The following NEBL variants were observed in gnomAD, a reference collection of about 807,000 sequenced individuals.
The protein encoded by NEBL is nebulette.
A neutral mutation model predicts 140.2 loss-of-function variants in NEBL; 122 were observed. That is an observed-to-expected ratio of 0.87 (90% confidence interval 0.75 to 1.01). NEBL has a LOEUF of 1.01. Among genes scored for constraint, NEBL ranks in the 50% least tolerant of loss-of-function variants. NEBL has a pLI of 0.00. For missense variants in NEBL, 1,365 were observed against 1,231.3 expected, an observed-to-expected ratio of 1.11 and a Z score of -1.62; for synonymous variants, 436 against 398.9, an observed-to-expected ratio of 1.09 and a Z score of -1.11.
Position 21,231,120 on chromosome 10 carries a change from G to C in NEBL, n.348+16801C>G, listed in dbSNP as rs143602351. ...TTGATGTATTCATTCATTCGTTCTT[G>C]CTGTGTCCTCGCGATGTGCGAGCAC... is the stretch of plus-strand genomic sequence containing the variant. On this transcript the variant is annotated intron_variant and non_coding_transcript_variant, in intron 3 of 8. Coordinates refer to the NEBL transcript ENST00000675702. Among the ~76,000 whole-genome samples the C allele has an allele frequency of 5.4e-3, 819 of 152,346 alleles. 7 individuals carry two copies. The highest frequency in any genetic ancestry group is 0.019 in the African/African-American group (789 of 41,586).
chr10:21,229,108 T>C (rs1377051307), intron 3 of NEBL, among the ~76,000 whole-genome samples: 1 of 152,014 alleles, frequency 6.6e-6, no homozygotes, highest in Non-Finnish European at 1.5e-5. Context: ...CTGTACTGAG[T>C]AGTATAAATT....
At chr10:21,053,093 C>A (rs1232780385) in intron 2 of NEBL, among the ~76,000 whole-genome samples, 1 of 151,996 alleles carries the variant, frequency 6.6e-6, no homozygotes, top group African/African-American at 2.4e-5. Flanking sequence ...ATGTATGTAT[C>A]AAAATATCAC....
chr10:20,939,813 G>A (rs540835498), intron 4 of NEBL, among the ~76,000 whole-genome samples: 2 of 152,100 alleles, frequency 1.3e-5, no homozygotes, highest in African/African-American at 4.8e-5. Context: ...GACTTTAAAT[G>A]AACAAAGATC....
chr10:20,807,490 A>T (rs1176814905), intron 26 of NEBL, among the ~76,000 whole-genome samples: 2 of 152,268 alleles, frequency 1.3e-5, no homozygotes, highest in Non-Finnish European at 2.9e-5. Flanking sequence ...AAATAAGGTC[A>T]GTCCAGTTTT....
intron 9 of NEBL, among the ~76,000 whole-genome samples, chr10:20,853,987 C>T (rs1051666487): frequency 6.6e-6 from 1 of 152,138 alleles, no homozygotes; most frequent in Non-Finnish European, 1.5e-5. Flanking sequence ...TGTATCAAAA[C>T]ATTACATTTA....
intron 1 of NEBL, among the ~76,000 whole-genome samples, chr10:21,264,617 G>A (rs1375122648): frequency 1.4e-5 from 2 of 141,618 alleles, no homozygotes; most frequent in African/African-American, 5.2e-5. Flanking sequence ...GTCCAGGCAC[G>A]TTGTTAAGTT....
chr10:20,844,108 TAC>T (rs1841666973), intron 12 of NEBL, among the ~76,000 whole-genome samples: 1 of 152,134 alleles, frequency 6.6e-6, no homozygotes, highest in Non-Finnish European at 1.5e-5. Flanking sequence ...TTATAGAAAT[TAC>T]ATGTCTATTT....
intron 7 of NEBL, among the ~76,000 whole-genome samples, chr10:20,867,214 A>G (rs1844383062): frequency 6.6e-6 from 1 of 152,126 alleles, no homozygotes; most frequent in South Asian, 2.1e-4. Flanking sequence ...TGCAATTGGA[A>G]TTGCATAGAG....
chr10:21,074,435 T>C (rs748406228), intron 2 of NEBL, among the ~76,000 whole-genome samples: 8 of 151,996 alleles, frequency 5.3e-5, no homozygotes, highest in Non-Finnish European at 8.8e-5. Flanking sequence ...ATATTGTACA[T>C]CTCTTGTAAA....
At chr10:20,799,408 C>T (rs754597521) in intron 26 of NEBL, among the ~76,000 whole-genome samples, 23 of 152,142 alleles carry the variant, frequency 1.5e-4, no homozygotes, top group Non-Finnish European at 2.5e-4. Flanking sequence ...CACCCACCTC[C>T]GCTTCCCAAA....
intron 4 of NEBL, among the ~76,000 whole-genome samples, chr10:20,941,392 G>C (rs1320799295): frequency 6.6e-6 from 1 of 152,126 alleles, no homozygotes; most frequent in Non-Finnish European, 1.5e-5. Flanking sequence ...CAACCTTCAT[G>C]CTAAAAACTC....
intron 2 of NEBL, among the ~76,000 whole-genome samples, chr10:21,120,163 A>C (rs1360567745): frequency 3.3e-5 from 5 of 151,574 alleles, no homozygotes; most frequent in Non-Finnish European, 5.9e-5. Flanking sequence ...TTGAGACCAG[A>C]ATTCGAAACC....
chr10:21,197,224 C>G (rs1034994794), intron 3 of NEBL, among the ~76,000 whole-genome samples: 1 of 152,220 alleles, frequency 6.6e-6, no homozygotes, highest in South Asian at 2.1e-4. Flanking sequence ...TTTAAACATA[C>G]AGATGCCCAG....
chr10:21,022,746 A>G (rs1838847670), intron 2 of NEBL, among the ~76,000 whole-genome samples: 1 of 152,236 alleles, frequency 6.6e-6, no homozygotes, highest in South Asian at 2.1e-4. Context: ...GTAAAGGTAA[A>G]TAACCCAAAT....
intron 4 of NEBL, among the ~76,000 whole-genome samples, chr10:20,950,505 G>A (rs981819288): frequency 1.6e-4 from 24 of 152,096 alleles, no homozygotes; most frequent in African/African-American, 4.8e-4. Flanking sequence ...ACATCCAACC[G>A]AGGCCCTCAT....
At chr10:21,200,376 C>G (rs1242662884) in intron 3 of NEBL, among the ~76,000 whole-genome samples, 1 of 127,512 alleles carries the variant, frequency 7.8e-6, no homozygotes, top group Non-Finnish European at 1.6e-5. Context: ...TACAGTGACA[C>G]GATCTCGGCT....
chr10:20,784,995 T>A lies in NEBL; in HGVS notation c.*752A>T, dbSNP rs1487043103. On this transcript the variant is annotated 3_prime_UTR_variant, in exon 28 of 28. Transcript: ENST00000377122. ...ACATGACATGCAACAGGGTAAATGCTACTAGGGAAATTATATCAATGACAT... is the reference window on the plus strand; with the variant it reads ...ACATGACATGCAACAGGGTAAATGCAACTAGGGAAATTATATCAATGACAT... The A allele has an allele frequency of 6.5e-6, 1 of 152,800 alleles. No homozygotes were observed. The highest frequency in any genetic ancestry group is 1.5e-5 in the Non-Finnish European group (1 of 68,160). 9.5% of individuals were successfully genotyped at this position (152,800 alleles called of 1,614,324 possible).
chr10:20,913,320 C>A (rs533893155), intron 4 of NEBL, among the ~76,000 whole-genome samples: 2 of 152,182 alleles, frequency 1.3e-5, no homozygotes, highest in East Asian at 3.8e-4. Flanking sequence ...CGATCCTTCA[C>A]ATTGAACATC....
chr10:20,941,287 C>T (rs534968352), intron 4 of NEBL, among the ~76,000 whole-genome samples: 36 of 152,282 alleles, frequency 2.4e-4, no homozygotes, highest in Admixed American at 3.9e-4. Flanking sequence ...TCAACATACG[C>T]AAATCAATAA....
Sources: allele counts gnomAD v4.1 joint callset (sites outside exome capture counted in the v4.1 genomes callset), GRCh38; gene constraint gnomAD v4.1.1; transcripts MANE v1.5; gene names NCBI Gene and HGNC (gene_info 2026-07-23, HGNC 2026-07-21).